CACNA2D3: variants seen among roughly 807,000 people sequenced by gnomAD.
CACNA2D3 encodes the protein calcium voltage-gated channel auxiliary subunit alpha2delta 3, also known as voltage-dependent calcium channel subunit alpha-2/delta-3.
CACNA2D3 carries 60 observed loss-of-function variants against 160.6 expected under a neutral mutation model. The observed-to-expected ratio is 0.37, with a 90% CI of 0.30 to 0.46. The LOEUF (loss-of-function observed/expected upper bound fraction) is 0.46. Among genes scored for constraint, CACNA2D3 ranks in the 20% least tolerant of loss-of-function variants. CACNA2D3 has a pLI of 1.00. For missense variants in CACNA2D3, 1,205 were observed against 1,365.0 expected, an observed-to-expected ratio of 0.88 and a Z score of 1.85; for synonymous variants, 558 against 492.9, an observed-to-expected ratio of 1.13 and a Z score of -1.75.
At chr3:54,255,191 G>C (rs931445054) in intron 2 of CACNA2D3, among the ~76,000 whole-genome samples, 1 of 152,180 alleles carries the variant, frequency 6.6e-6, no homozygotes, top group Non-Finnish European at 1.5e-5. Context: ...ATAGAGCTAA[G>C]GAGAGTTAAG....
At chr3:54,513,808 G>C (rs1221342868) in intron 5 of CACNA2D3, among the ~76,000 whole-genome samples, 1 of 152,184 alleles carries the variant, frequency 6.6e-6, no homozygotes, top group East Asian at 1.9e-4. Context: ...AGCCCCCCAA[G>C]TAGCTGGGTT....
intron 4 of CACNA2D3, among the ~76,000 whole-genome samples, chr3:54,438,531 A>G (rs556031910): frequency 6.6e-6 from 1 of 152,368 alleles, no homozygotes. Context: ...TTGAGAAATC[A>G]AAGTGTAATT....
intron 4 of CACNA2D3, among the ~76,000 whole-genome samples, chr3:54,474,253 A>G (rs1481356666): frequency 1.3e-5 from 2 of 152,186 alleles, no homozygotes; most frequent in Non-Finnish European, 2.9e-5. Flanking sequence ...TTGCGGGGAC[A>G]TGGTTGAAGC....
intron 13 of CACNA2D3, among the ~76,000 whole-genome samples, chr3:54,783,940 C>T (rs1702581212): frequency 6.6e-6 from 1 of 152,160 alleles, no homozygotes; most frequent in Non-Finnish European, 1.5e-5. Flanking sequence ...GTTATCACAG[C>T]AAATACTGTA....
At chr3:54,385,947 T>C (rs371518104) in intron 3 of CACNA2D3, 13 of 509,378 alleles carry the variant, frequency 2.6e-5, no homozygotes, top group African/African-American at 2.5e-4. Context: ...TAATATCCTC[T>C]AGCCTATATT....
At chr3:54,844,821 T>C (rs1054020853) in intron 16 of CACNA2D3, among the ~76,000 whole-genome samples, 1 of 152,238 alleles carries the variant, frequency 6.6e-6, no homozygotes, top group Non-Finnish European at 1.5e-5. Context: ...CAAAGTAATG[T>C]ACATTAGAAG....
At chr3:54,479,839 CTATT>C (rs1700904006) in intron 4 of CACNA2D3, among the ~76,000 whole-genome samples, 1 of 152,156 alleles carries the variant, frequency 6.6e-6, no homozygotes, top group African/African-American at 2.4e-5. Context: ...CAGTGGGCAG[CTATT>C]AGTCAAATTT....
intron 11 of CACNA2D3, among the ~76,000 whole-genome samples, chr3:54,733,388 A>G (rs1322651197): frequency 6.6e-6 from 1 of 152,226 alleles, no homozygotes; most frequent in Non-Finnish European, 1.5e-5. Context: ...GGCAGACAAC[A>G]TGAGTTTTCT....
intron 11 of CACNA2D3, among the ~76,000 whole-genome samples, chr3:54,684,494 T>G (rs1700413418): frequency 6.6e-6 from 1 of 152,192 alleles, no homozygotes; most frequent in African/African-American, 2.4e-5. Flanking sequence ...ATCAAGCACA[T>G]CATCTGAAGT....
intron 9 of CACNA2D3, among the ~76,000 whole-genome samples, chr3:54,624,391 G>A (rs1699050450): frequency 6.6e-6 from 1 of 152,216 alleles, no homozygotes. Context: ...GGGAGGCTGA[G>A]GCGGGTGGAT....
At chr3:54,503,750 C>G (rs370682041) in intron 5 of CACNA2D3, 96 bp downstream of exon 5, 2 of 1,158,822 alleles carry the variant, frequency 1.7e-6, no homozygotes, top group African/African-American at 3.1e-5. Context: ...TGGTTTGTTT[C>G]ATTTTTTTTG....
chr3:54,425,104 T>C (rs914101090), intron 4 of CACNA2D3, among the ~76,000 whole-genome samples: 6 of 152,132 alleles, frequency 3.9e-5, no homozygotes, highest in Non-Finnish European at 7.4e-5. Context: ...CTGAGGCAGG[T>C]GTATCGCCTG....
At chr3:54,941,385 C>T (rs1487689057) in intron 27 of CACNA2D3, among the ~76,000 whole-genome samples, 1 of 152,158 alleles carries the variant, frequency 6.6e-6, no homozygotes, top group Non-Finnish European at 1.5e-5. Context: ...AGTATTCTTA[C>T]ACATGCAGAA....
chr3:54,798,345 C>T (rs899157720), intron 13 of CACNA2D3, among the ~76,000 whole-genome samples: 9 of 151,924 alleles, frequency 5.9e-5, no homozygotes, highest in African/African-American at 2.2e-4. Flanking sequence ...CCACCCTGGC[C>T]AACATGGTGA....
intron 17 of CACNA2D3, among the ~76,000 whole-genome samples, chr3:54,853,829 C>T (rs1412777110): frequency 6.6e-6 from 1 of 152,186 alleles, no homozygotes; most frequent in African/African-American, 2.4e-5. Context: ...TTCTCTGTCT[C>T]ATCTCAGGAC....
At chr3:54,724,198 A>G (rs1701232688) in intron 11 of CACNA2D3, among the ~76,000 whole-genome samples, 3 of 152,242 alleles carry the variant, frequency 2.0e-5, no homozygotes, top group Non-Finnish European at 4.4e-5. Context: ...TAAAGGGATC[A>G]GTGCAGCAAG....
At chr3:54,385,059 G>C (rs76094111) in intron 3 of CACNA2D3, among the ~76,000 whole-genome samples, 8,757 of 152,194 alleles carry the variant, frequency 0.058, 313 homozygotes, top group Middle Eastern at 0.096. Context: ...TAAGAGTTGA[G>C]AAACCTTGGA....
chr3:54,601,396 CG>C (rs920563118), intron 9 of CACNA2D3, among the ~76,000 whole-genome samples: 9 of 152,038 alleles, frequency 5.9e-5, no homozygotes, highest in African/African-American at 2.2e-4. Context: ...TTTATAGAAA[CG>C]GGGTCCTGCT....
At chr3:54,463,341 A>C (rs879603340) in intron 4 of CACNA2D3, among the ~76,000 whole-genome samples, 2 of 152,206 alleles carry the variant, frequency 1.3e-5, no homozygotes, top group Admixed American at 1.3e-4. Context: ...AGATTGGGGA[A>C]GTTCTCCTGG....
Sources: gnomAD v4.1 joint callset for allele counts (sites outside exome capture counted in the v4.1 genomes callset) on GRCh38, gnomAD v4.1.1 for gene constraint, MANE v1.5 for transcripts, NCBI Gene and HGNC (gene_info 2026-07-23, HGNC 2026-07-21) for gene names.